The following ATXN2 variants were observed in gnomAD, a reference collection of about 807,000 sequenced individuals.
The protein encoded by ATXN2 is ataxin-2.
Under a neutral mutation model 138.6 loss-of-function variants are expected in ATXN2, and 37 were observed. The observed-to-expected ratio is 0.27, with a 90% CI of 0.21 to 0.35. The LOEUF is 0.35. Ranked by LOEUF, ATXN2 falls within the 10% of genes least tolerant of loss-of-function variation. ATXN2 has a pLI of 1.00. For synonymous variants in ATXN2, 549 were observed against 543.7 expected (o/e 1.01, Z -0.13); for missense variants, 1,216 against 1,480.3 (o/e 0.82, Z 2.93).
rs970187178 is a variant in ATXN2, at chr12:111,540,673, G to A, written c.571+11607C>T. On this transcript the variant is annotated intron_variant, in intron 5 of 24. Transcript: ENST00000673436. ...TTGTGGCATGTCTTTTTAAATGTAT[G>A]GTACTTTTGGACACGTCTAAGTCTT... Among the ~76,000 whole-genome samples the A allele has an allele frequency of 5.4e-5, 8 of 147,904 alleles. 2 individuals carry two copies. The highest frequency in any genetic ancestry group is 1.9e-4 in the East Asian group (1 of 5,168).
intron 14 of ATXN2, among the ~76,000 whole-genome samples, chr12:111,499,639 G>A (rs1158848618): frequency 1.3e-5 from 2 of 151,364 alleles, no homozygotes; most frequent in East Asian, 1.9e-4. Context: ...ACACCACTAC[G>A]CTCCAGCCTG....
chr12:111,489,065 T>C (rs1194948029), intron 14 of ATXN2, among the ~76,000 whole-genome samples: 1 of 152,174 alleles, frequency 6.6e-6, no homozygotes. Context: ...GAGAAAAATA[T>C]GAAATAGTTT....
chr12:111,565,328 T>C (rs1882935626), intron 1 of ATXN2, among the ~76,000 whole-genome samples: 1 of 152,320 alleles, frequency 6.6e-6, no homozygotes, highest in African/African-American at 2.4e-5. Context: ...GTATTTCCAG[T>C]AACATGTGCT....
chr12:111,521,481 G>A (rs918284775), intron 6 of ATXN2, among the ~76,000 whole-genome samples: 10 of 152,300 alleles, frequency 6.6e-5, no homozygotes, highest in African/African-American at 1.4e-4. Flanking sequence ...CATATTCAAC[G>A]ATTCCAAGGT....
chr12:111,456,890 G>C (rs1875144891), intron 22 of ATXN2, among the ~76,000 whole-genome samples: 1 of 152,062 alleles, frequency 6.6e-6, no homozygotes, highest in Non-Finnish European at 1.5e-5. Context: ...TGGGACTACA[G>C]GCGCCCACCA....
intron 18 of ATXN2, 78 bp from the exon 19 acceptor site, chr12:111,470,820 T>C: frequency 6.8e-7 from 1 of 1,467,504 alleles, no homozygotes; most frequent in Non-Finnish European, 9.3e-7. Context: ...TCTAGGAGGC[T>C]CTGAATGATT....
At chr12:111,586,733 C>G (rs1012203159) in intron 1 of ATXN2, among the ~76,000 whole-genome samples, 2 of 151,710 alleles carry the variant, frequency 1.3e-5, no homozygotes, top group Non-Finnish European at 2.9e-5. Flanking sequence ...GTTGGCCAGA[C>G]TGGTCTCGAA....
chr12:111,488,345 TA>T, intron 15 of ATXN2, 130 bp downstream of exon 15: 1 of 915,450 alleles, frequency 1.1e-6, no homozygotes, highest in Non-Finnish European at 1.6e-6. Flanking sequence ...TAGCTGTTTG[TA>T]AACTAAGGGC....
intron 14 of ATXN2, among the ~76,000 whole-genome samples, chr12:111,507,972 AAG>A (rs1025759795): frequency 2.6e-5 from 4 of 152,254 alleles, no homozygotes; most frequent in African/African-American, 9.6e-5. Context: ...CATGCTCGTT[AAG>A]AGTCATCACC....
chr12:111,453,201 T>C lies in ATXN2; in HGVS notation c.3440-361A>G, dbSNP rs1874799369. The C allele has an allele frequency of 2.7e-6, 3 of 1,099,602 alleles. No individual in the cohort carries two copies. The highest frequency in any genetic ancestry group is 1.6e-5 in the African/African-American group (1 of 61,000). 68.1% of individuals were successfully genotyped at this position (1,099,602 alleles called of 1,614,324 possible). A position where few individuals can be genotyped will look rare whatever the true frequency, so the allele number is the denominator to read the frequency against. On this transcript the variant is annotated intron_variant, in intron 24 of 24. Transcript: ENST00000673436. The surrounding 1 kb of genome is among the most constrained non-coding windows in gnomAD (Gnocchi z 5.4). ...GCAGCCATCAAGTAGTAGAGCACAA[T>C]CACAGGGCGCTCTCCCCTGTTCAGG...
intron 21 of ATXN2, chr12:111,461,185 T>C (rs1470804572): frequency 6.6e-6 from 1 of 152,260 alleles, no homozygotes; most frequent in Admixed American, 6.5e-5. Flanking sequence ...TTGGGAGAAA[T>C]GGAGCCGGGC....
intron 21 of ATXN2, 119 bp downstream of exon 21, chr12:111,464,543 T>G (rs868316943): frequency 1.3e-5 from 9 of 684,628 alleles, no homozygotes; most frequent in Middle Eastern, 8.3e-4. Context: ...ATATAAGTAC[T>G]TTCAATAATT....
chr12:111,524,256 G>C lies in ATXN2; in HGVS notation c.696+936C>G, dbSNP rs185620930. Among the ~76,000 whole-genome samples, 8 of 152,274 alleles carry C rather than the reference G, an allele frequency of 5.3e-5. No individual in the cohort carries two copies. In the East Asian group the frequency reaches 1.3e-3, roughly 26 times the overall value. On this transcript the variant is annotated intron_variant, in intron 6 of 24. Transcript: ENST00000673436. The stretch of plus-strand genomic sequence containing the variant: ...TTTAGGTCAAAGTAGGACATTTCAG[G>C]CTTCCTGTCTGAGGAAGAGTGTCAT...
At chr12:111,560,343 A>T (rs547634403) in intron 1 of ATXN2, among the ~76,000 whole-genome samples, 31 of 152,350 alleles carry the variant, frequency 2.0e-4, no homozygotes, top group South Asian at 1.2e-3. Context: ...GAGGATGTGC[A>T]CCGGTATATG....
At chr12:111,460,825 T>C (rs1490480463) in intron 21 of ATXN2, among the ~76,000 whole-genome samples, 1 of 152,190 alleles carries the variant, frequency 6.6e-6, no homozygotes, top group Non-Finnish European at 1.5e-5. Context: ...TTAAAAGGCA[T>C]CTCTGCAATT....
chr12:111,469,137 T>C (rs1449409324), intron 20 of ATXN2: 3 of 152,226 alleles, frequency 2.0e-5, no homozygotes, highest in Admixed American at 6.5e-5. Flanking sequence ...TGTAGTTACA[T>C]GTAACCATAA....
chr12:111,485,219 A>C (rs531861713), intron 18 of ATXN2, 46 bp downstream of exon 18: 1 of 1,537,010 alleles, frequency 6.5e-7, no homozygotes, highest in African/African-American at 1.4e-5. Context: ...TACTCAATTC[A>C]TGCAGCATGC....
chr12:111,507,900 C>T (rs1207695928), intron 14 of ATXN2, among the ~76,000 whole-genome samples: 1 of 152,174 alleles, frequency 6.6e-6, no homozygotes, highest in African/African-American at 2.4e-5. Context: ...CTGTGTCACT[C>T]AGGGTTAAAT....
At position 111,516,516 on chromosome 12, in the gene ATXN2, T is replaced by C. The variant is rs567143000; in HGVS notation, c.1166-153A>G. Among the ~76,000 whole-genome samples, 1 of 152,370 alleles carries C rather than the reference T, an allele frequency of 6.6e-6. No individual in the cohort carries two copies. The highest frequency in any genetic ancestry group is 2.1e-4 in the South Asian group (1 of 4,832). On this transcript the variant is annotated intron_variant, in intron 9 of 24. Transcript: ENST00000673436. The surrounding 1 kb of genome is among the most constrained non-coding windows in gnomAD (Gnocchi z 5.0). ...ATTTGATTTGTGATAAGTTTTAGCA[T>C]AACTTAACTGACATAAATTCACATT...
Sources: gnomAD v4.1 joint callset for allele counts (sites outside exome capture counted in the v4.1 genomes callset) on GRCh38, gnomAD v4.1.1 for gene constraint, Gnocchi (gnomAD v3.1) non-coding constraint, MANE v1.5 for transcripts, NCBI Gene and HGNC (gene_info 2026-07-23, HGNC 2026-07-21) for gene names.